The following S100Z variants were observed in gnomAD, a reference collection of about 807,000 sequenced individuals.
The protein encoded by S100Z is S100 calcium binding protein Z, also known as protein S100-Z.
S100Z carries 11 observed loss-of-function variants against 8.5 expected under a neutral mutation model. The observed-to-expected ratio is 1.30, with a 90% CI of 0.82 to 2.15. The LOEUF (loss-of-function observed/expected upper bound fraction) is 2.15. Ranked by LOEUF, S100Z falls within the 30% of genes most tolerant of loss-of-function variation. S100Z has a pLI of 0.00. For missense variants in S100Z, 126 were observed against 117.9 expected, an observed-to-expected ratio of 1.07 and a Z score of -0.32; for synonymous variants, 34 against 43.8, an observed-to-expected ratio of 0.78 and a Z score of 0.89.
chr5:76,930,730 T>C, the S100Z span, among the ~76,000 whole-genome samples: 1 of 152,196 alleles, frequency 6.6e-6, no homozygotes, highest in Non-Finnish European at 1.5e-5. Context: ...TATTGATCAC[T>C]GGGCTTGACT....
downstream of S100Z, among the ~76,000 whole-genome samples, chr5:76,922,226 T>A (rs918905841): frequency 6.6e-6 from 1 of 152,090 alleles, no homozygotes. Context: ...CCAAGAAAGC[T>A]TTTTTCCAAA....
intron 4 of S100Z, among the ~76,000 whole-genome samples, chr5:76,899,643 C>T (rs1199753595): frequency 2.6e-5 from 4 of 152,136 alleles, no homozygotes; most frequent in African/African-American, 7.2e-5. Context: ...ATGCCCTTAA[C>T]GTTGTCCTCC....
chr5:76,858,888 A>G (rs1370686828), intron 1 of S100Z, among the ~76,000 whole-genome samples: 1 of 152,120 alleles, frequency 6.6e-6, no homozygotes, highest in Non-Finnish European at 1.5e-5. Flanking sequence ...AGGCAGGCAG[A>G]TCATTTGAGG....
At chr5:76,918,060 G>A (rs142349726) in intron 4 of S100Z, among the ~76,000 whole-genome samples, 79 of 152,260 alleles carry the variant, frequency 5.2e-4, no homozygotes, top group African/African-American at 1.8e-3. Context: ...AAAGGTATAC[G>A]TATTTAAAAT....
In S100Z at chr5:76,921,420, T is replaced by G. The variant is rs961808169; in HGVS notation, c.*706T>G. 2.0e-5 allele frequency: 3 copies of G among 152,330 alleles called. No homozygotes were observed. The highest frequency in any genetic ancestry group is 7.2e-5 in the African/African-American group (3 of 41,590). The allele number at this position is 152,330 out of a possible 1,614,324, so 9.4% of individuals were successfully genotyped here. A position where few individuals can be genotyped will look rare whatever the true frequency, so the allele number is the denominator to read the frequency against. On this transcript the variant is annotated 3_prime_UTR_variant, in exon 5 of 5. Transcript: ENST00000317593. ...GTATTCAGACTCTTAATTTTACAAA[T>G]GAAGAAATAAAGTCCCAGAAGGTAA...
downstream of S100Z, among the ~76,000 whole-genome samples, chr5:76,925,742 G>A (rs536214347): frequency 1.3e-4 from 20 of 152,166 alleles, no homozygotes; most frequent in South Asian, 2.1e-4. Flanking sequence ...TGAGGGGGGC[G>A]GATCACTTGA....
At chr5:76,929,328 T>C in the S100Z span, among the ~76,000 whole-genome samples, 23,143 of 152,264 alleles carry the variant, frequency 0.15, 1,902 homozygotes, top group Non-Finnish European at 0.19. Context: ...ATATGTCCAC[T>C]TCATCTGGGA....
chr5:76,868,726 C>T (rs541587580), intron 1 of S100Z, among the ~76,000 whole-genome samples: 1 of 149,702 alleles, frequency 6.7e-6, no homozygotes, highest in Admixed American at 6.8e-5. Flanking sequence ...TGGGTTCAAG[C>T]GATTCTCCTG....
chr5:76,952,425 GA>G, the S100Z span, among the ~76,000 whole-genome samples: 18 of 152,242 alleles, frequency 1.2e-4, no homozygotes, highest in Non-Finnish European at 2.2e-4. Context: ...AGTTTTCCAT[GA>G]AAGAAATGCC....
At chr5:76,884,809 G>T (rs1217957137) in intron 4 of S100Z, among the ~76,000 whole-genome samples, 1 of 152,108 alleles carries the variant, frequency 6.6e-6, no homozygotes, top group East Asian at 1.9e-4. Context: ...GCCTGGCGAG[G>T]AGCAGCCTGG....
chr5:76,860,505 A>G (rs981883241), intron 1 of S100Z, among the ~76,000 whole-genome samples: 2 of 152,062 alleles, frequency 1.3e-5, no homozygotes, highest in African/African-American at 4.8e-5. Context: ...TTGGAGTTCT[A>G]TGTTGCAAAT....
chr5:76,882,496 G>C (rs1341958704), intron 4 of S100Z, among the ~76,000 whole-genome samples: 3 of 152,124 alleles, frequency 2.0e-5, no homozygotes, highest in African/African-American at 4.8e-5. Context: ...GGGTCAGCTA[G>C]GTTTCCTTTT....
chr5:76,919,458 T>C (rs958456446), intron 4 of S100Z, among the ~76,000 whole-genome samples: 3 of 152,196 alleles, frequency 2.0e-5, no homozygotes, highest in Non-Finnish European at 4.4e-5. Flanking sequence ...GGAGGATCTT[T>C]TTATATACTT....
intron 4 of S100Z, among the ~76,000 whole-genome samples, chr5:76,888,046 A>G (rs1005987850): frequency 5.3e-5 from 8 of 152,032 alleles, no homozygotes; most frequent in South Asian, 2.1e-4. Context: ...TCATGAGGTC[A>G]GGAGTTCAAG....
At chr5:76,876,885 A>C (rs1253782468) in intron 3 of S100Z, among the ~76,000 whole-genome samples, 1 of 152,156 alleles carries the variant, frequency 6.6e-6, no homozygotes, top group East Asian at 1.9e-4. Flanking sequence ...CTCCTCATCA[A>C]CACCAGTCAC....
chr5:76,867,646 T>C (rs1289219426), intron 1 of S100Z, among the ~76,000 whole-genome samples: 1 of 151,118 alleles, frequency 6.6e-6, no homozygotes, highest in Middle Eastern at 3.4e-3. Flanking sequence ...GGCTGGAGTA[T>C]AGTGGTGTGA....
chr5:76,935,649 G>A, the S100Z span, among the ~76,000 whole-genome samples: 1 of 152,086 alleles, frequency 6.6e-6, no homozygotes, highest in African/African-American at 2.4e-5. Flanking sequence ...GATACTAGAT[G>A]TGGTACTGCC....
intron 4 of S100Z, among the ~76,000 whole-genome samples, chr5:76,887,460 C>T (rs1400723356): frequency 2.3e-5 from 3 of 132,880 alleles, no homozygotes; most frequent in Admixed American, 1.8e-4. Flanking sequence ...AGGGCAGTGG[C>T]ACTATCTTGG....
the S100Z span, among the ~76,000 whole-genome samples, chr5:76,946,937 C>T: frequency 6.6e-6 from 1 of 152,210 alleles, no homozygotes; most frequent in Non-Finnish European, 1.5e-5. Context: ...AAAACTGCTT[C>T]TCCCTTCTCT....
Sources: gnomAD v4.1 joint callset for allele counts (sites outside exome capture counted in the v4.1 genomes callset) on GRCh38, gnomAD v4.1.1 for gene constraint, MANE v1.5 for transcripts, NCBI Gene and HGNC (gene_info 2026-07-23, HGNC 2026-07-21) for gene names.